Variants in FRMD3 observed in about 807,000 individuals in gnomAD.
The protein encoded by FRMD3 is FERM domain containing 3.
A neutral mutation model predicts 70.2 loss-of-function variants in FRMD3; 33 were observed. That is an observed-to-expected ratio of 0.47 (90% CI 0.36 to 0.63). The LOEUF is 0.63. FRMD3 is among the 20% of genes least tolerant of loss of function. The pLI is 0.00. For synonymous variants in FRMD3, 279 were observed against 255.9 expected (o/e 1.09, Z -0.86); for missense variants, 632 against 711.4 (o/e 0.89, Z 1.27).
chr9:83,554,843 C>T, the FRMD3 span, among the ~76,000 whole-genome samples: 1,162 of 152,254 alleles, frequency 7.6e-3, 15 homozygotes, highest in African/African-American at 0.026. Flanking sequence ...CAGGCACCCA[C>T]GTCACAGTCT....
At chr9:83,327,740 C>G (rs1272073979) in intron 6 of FRMD3, among the ~76,000 whole-genome samples, 1 of 152,082 alleles carries the variant, frequency 6.6e-6, no homozygotes, top group Admixed American at 6.6e-5. Context: ...ACATTCAGAT[C>G]GATTTGCATC....
intron 1 of FRMD3, among the ~76,000 whole-genome samples, chr9:83,472,145 T>C (rs1305053006): frequency 9.9e-5 from 15 of 152,110 alleles, no homozygotes; most frequent in Non-Finnish European, 1.2e-4. Flanking sequence ...ACCGCTCAGA[T>C]TTTAGTAAGC....
At chr9:83,476,287 G>A (rs556165796) in intron 1 of FRMD3, among the ~76,000 whole-genome samples, 92 of 151,896 alleles carry the variant, frequency 6.1e-4, no homozygotes, top group Non-Finnish European at 1.2e-3. Flanking sequence ...AGGAGGCTGA[G>A]GCAGGAGAAT....
At chr9:83,580,411 C>T in the FRMD3 span, among the ~76,000 whole-genome samples, 6 of 152,188 alleles carry the variant, frequency 3.9e-5, no homozygotes, top group Admixed American at 2.0e-4. Context: ...TATGTCCAGA[C>T]AATGGAATAC....
At chr9:83,519,211 C>T (rs972906622) in intron 1 of FRMD3, among the ~76,000 whole-genome samples, 21 of 152,114 alleles carry the variant, frequency 1.4e-4, no homozygotes, top group African/African-American at 4.3e-4. Context: ...AGGCAACCTA[C>T]AGAATGGGAG....
At chr9:83,319,363 A>C (rs1835707742) in intron 6 of FRMD3, among the ~76,000 whole-genome samples, 1 of 152,082 alleles carries the variant, frequency 6.6e-6, no homozygotes, top group Non-Finnish European at 1.5e-5. Flanking sequence ...ATTTTTGTTT[A>C]TGGTGAGATG....
intron 6 of FRMD3, among the ~76,000 whole-genome samples, chr9:83,322,952 T>C (rs756958443): frequency 6.6e-6 from 1 of 152,224 alleles, no homozygotes; most frequent in Non-Finnish European, 1.5e-5. Flanking sequence ...CTATGTTCTA[T>C]GCTATCAGTA....
intron 1 of FRMD3, among the ~76,000 whole-genome samples, chr9:83,391,097 T>G (rs928165451): frequency 1.6e-4 from 24 of 151,902 alleles, no homozygotes; most frequent in African/African-American, 5.8e-4. Flanking sequence ...AGGACGGGGG[T>G]TTATAAGCAC....
chr9:83,371,650 C>T (rs1469669919), intron 3 of FRMD3, among the ~76,000 whole-genome samples: 1 of 152,196 alleles, frequency 6.6e-6, no homozygotes, highest in African/African-American at 2.4e-5. Context: ...AACTCTCTTC[C>T]GCTCTTGCCC....
intron 3 of FRMD3, among the ~76,000 whole-genome samples, chr9:83,362,939 C>G (rs1824653970): frequency 7.0e-6 from 1 of 142,870 alleles, no homozygotes; most frequent in African/African-American, 2.5e-5. Context: ...TTCCTCCCTA[C>G]TTCCTTGCTT....
intron 6 of FRMD3, among the ~76,000 whole-genome samples, chr9:83,324,574 T>G (rs1835935893): frequency 6.6e-6 from 1 of 152,186 alleles, no homozygotes; most frequent in African/African-American, 2.4e-5. Context: ...GATGAAATAT[T>G]ACGCAGTCCA....
At chr9:83,250,874 C>G (rs1427332288) in intron 13 of FRMD3, among the ~76,000 whole-genome samples, 1 of 152,342 alleles carries the variant, frequency 6.6e-6, no homozygotes, top group Middle Eastern at 3.4e-3. Flanking sequence ...TGAGATGGAG[C>G]TCCCAGGGGA....
intron 1 of FRMD3, among the ~76,000 whole-genome samples, chr9:83,426,036 A>C (rs143806487): frequency 1.2e-4 from 19 of 152,204 alleles, no homozygotes; most frequent in African/African-American, 4.6e-4. Context: ...CACAAGCGTG[A>C]GCAAACCATC....
At chr9:83,536,448 A>G (rs1343620983) in intron 1 of FRMD3, among the ~76,000 whole-genome samples, 1 of 152,188 alleles carries the variant, frequency 6.6e-6, no homozygotes, top group African/African-American at 2.4e-5. Flanking sequence ...CCCCTCCATC[A>G]TCTACACATT....
In FRMD3 at chr9:83,471,612, ACTCATC is replaced by A. The variant is rs1288422436; in HGVS notation, c.147+66467_147+66472del. ...AGAGAGAGCATCAGGAAGAACAGGG[ACTCATC>A]CTCTCCCTGGAAAAGGGCTAAAAAC... is the stretch of plus-strand genomic sequence containing the variant. On this transcript the variant is annotated intron_variant, in intron 1 of 13. Coordinates refer to ENST00000304195, the MANE Select transcript of FRMD3 (RefSeq NM_174938.6). 9.9e-5 allele frequency among the ~76,000 whole-genome samples: 15 copies of A among 152,204 alleles called. No individual in the cohort carries two copies. The East Asian group carries it at 2.9e-3, about 29-fold the overall frequency.
chr9:83,433,331 C>A (rs1444110204), intron 1 of FRMD3, among the ~76,000 whole-genome samples: 1 of 152,144 alleles, frequency 6.6e-6, no homozygotes. Context: ...GGGATCATAA[C>A]GGAAGCAGGA....
chr9:83,333,480 A>G (rs999914347), intron 6 of FRMD3, among the ~76,000 whole-genome samples: 1 of 152,230 alleles, frequency 6.6e-6, no homozygotes, highest in African/African-American at 2.4e-5. Flanking sequence ...TCCAAGCTAC[A>G]GCTTTCTGAA....
chr9:83,291,020 A>G (rs1347615641), intron 12 of FRMD3, among the ~76,000 whole-genome samples: 1 of 152,214 alleles, frequency 6.6e-6, no homozygotes, highest in African/African-American at 2.4e-5. Flanking sequence ...TTTTTAAAAA[A>G]AAAGAAAGAA....
chr9:83,504,783 T>C (rs1829146746), intron 1 of FRMD3, among the ~76,000 whole-genome samples: 2 of 152,194 alleles, frequency 1.3e-5, no homozygotes, highest in South Asian at 4.1e-4. Context: ...TGTATGAGTG[T>C]TTGCTTATTG....
Sources: gnomAD v4.1 joint callset for allele counts (sites outside exome capture counted in the v4.1 genomes callset) on GRCh38, gnomAD v4.1.1 for gene constraint, MANE v1.5 for transcripts, NCBI Gene and HGNC (gene_info 2026-07-23, HGNC 2026-07-21) for gene names.